THSD7A: variants seen among roughly 807,000 people sequenced by gnomAD.
THSD7A encodes the protein thrombospondin type 1 domain containing 7A, also known as thrombospondin type-1 domain-containing protein 7A.
THSD7A carries 96 observed loss-of-function variants against 231.3 expected under a neutral mutation model. The observed-to-expected ratio is 0.41, with a 90% confidence interval of 0.35 to 0.49. The LOEUF is 0.49. Ranked by LOEUF, THSD7A falls within the 20% of genes least tolerant of loss-of-function variation. The pLI is 0.05. For missense variants in THSD7A, 2,290 were observed against 2,070.2 expected, an observed-to-expected ratio of 1.11 and a Z score of -2.06; for synonymous variants, 940 against 743.3, an observed-to-expected ratio of 1.26 and a Z score of -4.30.
chr7:11,705,401 C>A (rs1780731716), intron 1 of THSD7A, among the ~76,000 whole-genome samples: 1 of 150,902 alleles, frequency 6.6e-6, no homozygotes, highest in Admixed American at 6.6e-5. Flanking sequence ...ATAAGCAAGG[C>A]CTAGTTGCAT....
chr7:11,549,285 CTGTT>C (rs1029188387), intron 4 of THSD7A, among the ~76,000 whole-genome samples: 5 of 138,296 alleles, frequency 3.6e-5, no homozygotes, highest in African/African-American at 9.9e-5. Context: ...TGCTTTTACA[CTGTT>C]TGTGTAATGT....
At chr7:11,526,433 G>A (rs1388849750) in intron 6 of THSD7A, among the ~76,000 whole-genome samples, 3 of 152,146 alleles carry the variant, frequency 2.0e-5, no homozygotes, top group East Asian at 3.9e-4. Flanking sequence ...GGCACATTGA[G>A]CATGTCTCTA....
At chr7:11,605,768 G>A (rs1294978580) in intron 2 of THSD7A, among the ~76,000 whole-genome samples, 1 of 152,076 alleles carries the variant, frequency 6.6e-6, no homozygotes, top group Non-Finnish European at 1.5e-5. Context: ...AGTTTCCAGA[G>A]CAACTTCCAG....
chr7:11,795,133 G>C (rs551835079), intron 1 of THSD7A, among the ~76,000 whole-genome samples: 110 of 151,800 alleles, frequency 7.2e-4, no homozygotes, highest in African/African-American at 2.6e-3. Context: ...CTTTAACCGA[G>C]TTTTATAAAA....
chr7:11,633,641 G>C (rs374330185), intron 2 of THSD7A, among the ~76,000 whole-genome samples: 1 of 152,154 alleles, frequency 6.6e-6, no homozygotes, highest in Non-Finnish European at 1.5e-5. Context: ...CCAAATTTCT[G>C]TATCAACTGT....
intron 23 of THSD7A, among the ~76,000 whole-genome samples, chr7:11,398,630 A>T (rs1376124028): frequency 6.6e-6 from 1 of 152,190 alleles, no homozygotes; most frequent in Non-Finnish European, 1.5e-5. Flanking sequence ...GAGTTGAAGT[A>T]TTGCTCCTCA....
At chr7:11,540,701 A>G (rs1789109149) in intron 6 of THSD7A, among the ~76,000 whole-genome samples, 2 of 152,224 alleles carry the variant, frequency 1.3e-5, no homozygotes, top group Non-Finnish European at 1.5e-5. Context: ...GTTCTCCCCA[A>G]AACAGTAGCA....
At position 11,634,617 on chromosome 7, in the gene THSD7A, A is replaced by C. The variant is rs959747037; in HGVS notation, c.1022+1513T>G. Among the ~76,000 whole-genome samples the C allele has an allele frequency of 6.6e-6, 1 of 152,108 alleles. No individual in the cohort carries two copies. Among genetic ancestry groups the C allele is most frequent in the Non-Finnish European group, 1.5e-5 (1 of 67,990 alleles). On this transcript the variant is annotated intron_variant, in intron 2 of 27. Coordinates refer to ENST00000423059, the MANE Select transcript of THSD7A (RefSeq NM_015204.3). This position sits in a 1 kb window ranked among gnomAD's most constrained non-coding sequence, Gnocchi z 4.1. ...TACACACACACACACACACATACAC[A>C]CACACACATTTAAGGAGTTGTAGGA... is the stretch of plus-strand genomic sequence containing the variant.
chr7:11,512,344 A>G (rs62435232), intron 6 of THSD7A, among the ~76,000 whole-genome samples: 3,835 of 152,286 alleles, frequency 0.025, 68 homozygotes, highest in Non-Finnish European at 0.039. Flanking sequence ...GTGGGAATGT[A>G]AAGTAGTTCA....
chr7:11,674,954 A>C (rs764975294), intron 1 of THSD7A, among the ~76,000 whole-genome samples: 21 of 152,176 alleles, frequency 1.4e-4, no homozygotes, highest in Non-Finnish European at 2.6e-4. Flanking sequence ...TAGCTATGTT[A>C]AGAAAGAACC....
At chr7:11,562,734 AT>A (rs1401715231) in intron 4 of THSD7A, among the ~76,000 whole-genome samples, 2 of 151,930 alleles carry the variant, frequency 1.3e-5, no homozygotes, top group African/African-American at 2.4e-5. Flanking sequence ...TTTTTTTTAA[AT>A]TTTTTTCAGT....
intron 1 of THSD7A, among the ~76,000 whole-genome samples, chr7:11,676,519 G>A (rs773953661): frequency 6.6e-6 from 1 of 152,110 alleles, no homozygotes; most frequent in Non-Finnish European, 1.5e-5. Flanking sequence ...TAAGAACCTT[G>A]ATAAAAGATG....
intron 6 of THSD7A, among the ~76,000 whole-genome samples, chr7:11,526,701 T>TG (rs1788489386): frequency 6.6e-6 from 1 of 152,118 alleles, no homozygotes; most frequent in African/African-American, 2.4e-5. Context: ...GTTCCCCCTT[T>TG]CCCCTCTCTT....
intron 6 of THSD7A, among the ~76,000 whole-genome samples, chr7:11,485,799 G>A (rs528871010): frequency 2.6e-5 from 4 of 152,326 alleles, no homozygotes; most frequent in East Asian, 3.9e-4. Flanking sequence ...AGTGATGCAT[G>A]TTGCCAGCCA....
intron 2 of THSD7A, among the ~76,000 whole-genome samples, chr7:11,630,224 A>C (rs1009678884): frequency 1.3e-5 from 2 of 152,208 alleles, no homozygotes; most frequent in African/African-American, 4.8e-5. Context: ...AACCAGGCAA[A>C]AAGAGATAAG....
intron 1 of THSD7A, among the ~76,000 whole-genome samples, chr7:11,722,625 T>C (rs1328808628): frequency 6.6e-6 from 1 of 151,742 alleles, no homozygotes; most frequent in Non-Finnish European, 1.5e-5. Context: ...CACCAAATTA[T>C]TTGTAAAAAC....
At chr7:11,427,339 T>C (rs954806187) in intron 14 of THSD7A, among the ~76,000 whole-genome samples, 2 of 152,210 alleles carry the variant, frequency 1.3e-5, no homozygotes, top group Non-Finnish European at 2.9e-5. Context: ...TGTTCAAAAA[T>C]TTATTATTTG....
intron 14 of THSD7A, among the ~76,000 whole-genome samples, chr7:11,427,795 T>C (rs4720986): frequency 0.075 from 11,367 of 152,192 alleles, 946 homozygotes; most frequent in African/African-American, 0.19. Flanking sequence ...CTGAATTTTC[T>C]TTGGAAATTT....
intron 2 of THSD7A, among the ~76,000 whole-genome samples, chr7:11,619,402 CTTTTTTT>C (rs10706554): frequency 7.8e-6 from 1 of 127,782 alleles, no homozygotes. Flanking sequence ...TCTTACTGTA[CTTTTTTT>C]TTTTTTTTTT....
Sources: allele counts gnomAD v4.1 joint callset (sites outside exome capture counted in the v4.1 genomes callset), GRCh38; gene constraint gnomAD v4.1.1; non-coding constraint Gnocchi (gnomAD v3.1); transcripts MANE v1.5; gene names NCBI Gene and HGNC (gene_info 2026-07-23, HGNC 2026-07-21).